GRM4: variants seen among roughly 807,000 people sequenced by gnomAD.
GRM4 encodes metabotropic glutamate receptor 4.
Under a neutral mutation model 81.7 loss-of-function variants are expected in GRM4, and 28 were observed. That is an observed-to-expected ratio of 0.34 (90% CI 0.25 to 0.47). The LOEUF is 0.47. Among genes scored for constraint, GRM4 ranks in the 20% least tolerant of loss-of-function variants. GRM4 has a pLI of 1.00. For missense variants in GRM4, 948 were observed against 1,290.0 expected, an observed-to-expected ratio of 0.73 and a Z score of 4.06; for synonymous variants, 488 against 528.8, an observed-to-expected ratio of 0.92 and a Z score of 1.06.
In GRM4 at chr6:34,138,028, G is replaced by A. The variant is rs566830186; in HGVS notation, c.-363-4169C>T. 9.2e-5 allele frequency among the ~76,000 whole-genome samples: 14 copies of A among 152,310 alleles called. No individual in the cohort carries two copies. The East Asian group carries it at 1.4e-3, about 15-fold the overall frequency. The stretch of plus-strand genomic sequence containing the variant: ...ACAACCGGATCCGAAGAGAACTGCT[G>A]TGATTTACCAAACCCCCAATTATTT... On this transcript the variant is annotated intron_variant, in intron 1 of 10. Transcript: ENST00000538487.
intron 3 of GRM4, among the ~76,000 whole-genome samples, chr6:34,087,774 C>A (rs1767983576): frequency 1.7e-5 from 2 of 115,450 alleles, no homozygotes; most frequent in African/African-American, 6.6e-5. Context: ...AGTCACATGA[C>A]CAGAACTTCC....
At chr6:34,060,885 T>G (rs1162279184) in intron 4 of GRM4, 1 of 152,372 alleles carries the variant, frequency 6.6e-6, no homozygotes, top group African/African-American at 2.4e-5. Context: ...CCATTGCAGT[T>G]TGTCCTTTTG....
At position 34,047,707 on chromosome 6, in the gene GRM4, T is replaced by C. The variant is rs952138062; in HGVS notation, c.1169-6959A>G. Among the ~76,000 whole-genome samples the C allele has an allele frequency of 1.3e-5, 2 of 152,266 alleles. No homozygotes were observed. The highest frequency in any genetic ancestry group is 4.8e-5 in the African/African-American group (2 of 41,548). ...AACTCCTTCCAGTCCCAGTGAATGA[T>C]GCATCCAGGTGTTTCGAGGGCTTAG... is the stretch of plus-strand genomic sequence containing the variant. On this transcript the variant is annotated intron_variant, in intron 6 of 10. Coordinates refer to ENST00000538487, the MANE Select transcript of GRM4 (RefSeq NM_000841.4). The surrounding 1 kb of genome is among the most constrained non-coding windows in gnomAD (Gnocchi z 4.5).
chr6:34,133,667 GC>G lies in GRM4; in HGVS notation c.-172del, dbSNP rs1770341351. 1 of 1,415,956 alleles carries G rather than the reference GC, an allele frequency of 7.1e-7. No homozygotes were observed. Among genetic ancestry groups the G allele is most frequent in the Non-Finnish European group, 9.2e-7 (1 of 1,090,990 alleles). 87.7% of individuals were successfully genotyped at this position (1,415,956 alleles called of 1,614,324 possible). A position where few individuals can be genotyped will look rare whatever the true frequency, so the allele number is the denominator to read the frequency against. On this transcript the variant is annotated 5_prime_UTR_variant, in exon 2 of 11. An upstream open reading frame in the 5' UTR loses its in-frame stop. Coordinates refer to ENST00000538487, the MANE Select transcript of GRM4 (RefSeq NM_000841.4). The surrounding 1 kb of genome is among the most constrained non-coding windows in gnomAD (Gnocchi z 6.5). Reference sequence around the variant, plus strand: ...CCTCTCCCACCTCCTTGTCACTCGGGCCAAGCACAGTTGCCCGCACAGTCCA... The same window carrying G: ...CCTCTCCCACCTCCTTGTCACTCGGGCAAGCACAGTTGCCCGCACAGTCCA...
intron 1 of GRM4, among the ~76,000 whole-genome samples, chr6:34,145,016 C>A (rs1207293088): frequency 6.6e-6 from 1 of 152,104 alleles, no homozygotes; most frequent in Non-Finnish European, 1.5e-5. Flanking sequence ...CCGATGTCCC[C>A]GCCGCAGCCC....
intron 3 of GRM4, among the ~76,000 whole-genome samples, chr6:34,066,954 G>A (rs9469701): frequency 0.055 from 8,294 of 152,124 alleles, 705 homozygotes; most frequent in African/African-American, 0.18. Flanking sequence ...AGCTAGCCCA[G>A]GGGCTTCCAT....
intron 6 of GRM4, among the ~76,000 whole-genome samples, chr6:34,044,881 TAC>T (rs1458551766): frequency 2.9e-5 from 4 of 139,884 alleles, no homozygotes; most frequent in Admixed American, 6.9e-5. Context: ...TACACATATA[TAC>T]AGACATACAC....
chr6:34,034,774 T>A lies in GRM4; in HGVS notation c.2442+894A>T, dbSNP rs796986424. Reference sequence around the variant, plus strand: ...AGGGAGGCCAACTGGCTTGCCCAGATCCCACACTTATACATGGCACTCAGA... The same window carrying A: ...AGGGAGGCCAACTGGCTTGCCCAGAACCCACACTTATACATGGCACTCAGA... On this transcript the variant is annotated intron_variant, in intron 9 of 10. Coordinates refer to ENST00000538487, the MANE Select transcript of GRM4 (RefSeq NM_000841.4). This position sits in a 1 kb window ranked among gnomAD's most constrained non-coding sequence, Gnocchi z 4.0. Among the ~76,000 whole-genome samples the A allele has an allele frequency of 4.9e-4, 75 of 152,330 alleles. 1 individual carries two copies. The highest frequency in any genetic ancestry group is 1.8e-3 in the African/African-American group (73 of 41,576).
Position 34,035,833 on chromosome 6 carries a change from G to A in GRM4, c.2277C>T (p.Tyr759=). The change falls in exon 9 of 11, where the codon TAC becomes TAT. Residue 759 remains tyrosine (Y), a synonymous_variant. Coordinates refer to ENST00000538487, the MANE Select transcript of GRM4 (RefSeq NM_000841.4). This position sits in a 1 kb window ranked among gnomAD's most constrained non-coding sequence, Gnocchi z 6.6. ...TGCACGTGACCATGAGCAGCATGCT[G>A]TAGCCCAGCAGGCAGATGAGCGACA... ...SDLSLICLLG[Y]SMLLMVTCTV... 2.5e-6 allele frequency: 4 copies of A among 1,613,328 alleles called. No individual in the cohort carries two copies. Among genetic ancestry groups the A allele is most frequent in the East Asian group, 2.2e-5 (1 of 44,834 alleles).
At chr6:34,097,425 A>G (rs997049035) in intron 2 of GRM4, among the ~76,000 whole-genome samples, 12 of 95,630 alleles carry the variant, frequency 1.3e-4, no homozygotes, top group Middle Eastern at 9.6e-3. Context: ...GCATGTGTGC[A>G]TGCCTGTGTG....
Position 34,059,420 on chromosome 6 carries a change from T to G in GRM4, c.873-292A>C. The G allele has an allele frequency of 1.8e-5, 7 of 386,218 alleles. No individual in the cohort carries two copies. The highest frequency in any genetic ancestry group is 3.8e-5 in the South Asian group (1 of 26,658). 23.9% of individuals were successfully genotyped at this position (386,218 alleles called of 1,614,324 possible). A position where few individuals can be genotyped will look rare whatever the true frequency, so the allele number is the denominator to read the frequency against. On this transcript the variant is annotated intron_variant, in intron 4 of 10. Transcript: ENST00000538487. The surrounding 1 kb of genome is among the most constrained non-coding windows in gnomAD (Gnocchi z 5.7). ...CATCTGTCCCTGCAAAGACCACACCTCTCCCCTCCAGATCCACACCCGCCC... is the reference window on the plus strand; with the variant it reads ...CATCTGTCCCTGCAAAGACCACACCGCTCCCCTCCAGATCCACACCCGCCC...
intron 2 of GRM4, among the ~76,000 whole-genome samples, chr6:34,093,021 G>C (rs1768323508): frequency 6.6e-6 from 1 of 152,176 alleles, no homozygotes. Flanking sequence ...GGCCCACAGG[G>C]ACACTCCTCT....
At chr6:34,125,463 C>CA (rs1769987558) in intron 2 of GRM4, among the ~76,000 whole-genome samples, 1 of 152,022 alleles carries the variant, frequency 6.6e-6, no homozygotes, top group Non-Finnish European at 1.5e-5. Flanking sequence ...ACTAGGTGTC[C>CA]AAAAAAAGAC....
upstream of GRM4, among the ~76,000 whole-genome samples, chr6:34,146,593 G>A (rs1053180213): frequency 1.3e-5 from 2 of 152,238 alleles, no homozygotes; most frequent in East Asian, 3.8e-4. Flanking sequence ...TGCAGAAGCG[G>A]CTTCAATTAG....
At chr6:34,094,049 A>G (rs1768383780) in intron 2 of GRM4, among the ~76,000 whole-genome samples, 1 of 152,234 alleles carries the variant, frequency 6.6e-6, no homozygotes, top group African/African-American at 2.4e-5. Flanking sequence ...CAGATGAGGA[A>G]TATTACACAG....
Position 34,074,597 on chromosome 6 carries a change from C to A in GRM4, c.737-12569G>T, listed in dbSNP as rs1034887759. On this transcript the variant is annotated intron_variant, in intron 3 of 10. Coordinates refer to ENST00000538487, the MANE Select transcript of GRM4 (RefSeq NM_000841.4). The surrounding 1 kb of genome is among the most constrained non-coding windows in gnomAD (Gnocchi z 4.9). ...GGCTCAGAGCTGAGCCCTGCCGTCC[C>A]CTGCCAGGAGAGGAGGCCGCTGGGC... is the stretch of plus-strand genomic sequence containing the variant. 7.1e-6 allele frequency among the ~76,000 whole-genome samples: 1 copy of A among 141,642 alleles called. No individual in the cohort carries two copies. Among genetic ancestry groups the A allele is most frequent in the Non-Finnish European group, 1.5e-5 (1 of 66,112 alleles). 92.9% of individuals were successfully genotyped at this position (141,642 alleles called of 152,430 possible). A position where few individuals can be genotyped will look rare whatever the true frequency, so the allele number is the denominator to read the frequency against.
chr6:34,036,347 G>A lies in GRM4; in HGVS notation c.1763C>T (p.Ala588Val), dbSNP rs779059684. The A allele has an allele frequency of 3.7e-6, 6 of 1,613,640 alleles. No homozygotes were observed. Among genetic ancestry groups the A allele is most frequent in the Non-Finnish European group, 2.5e-6 (3 of 1,179,908 alleles). Reference sequence around the variant, plus strand: ...CACGGCCAGGAAGAGGGGCAGCACGGCCCAGGGCGAGCCCCACTCAAGCTT... The same window carrying A: ...CACGGCCAGGAAGAGGGGCAGCACGACCCAGGGCGAGCCCCACTCAAGCTT... The part of the protein sequence containing the change: ...IIKLEWGSPW[A>V]VLPLFLAVVG... The change falls in exon 9 of 11, where the codon GCC becomes GTC. Residue 588 changes from alanine to valine, a missense_variant. By Grantham distance (64) the Ala-to-Val change is moderately conservative. Transcript: ENST00000538487. The surrounding 1 kb of genome is among the most constrained non-coding windows in gnomAD (Gnocchi z 9.0).
intron 5 of GRM4, among the ~76,000 whole-genome samples, chr6:34,058,558 A>C (rs1433537036): frequency 1.3e-5 from 2 of 152,182 alleles, no homozygotes; most frequent in Non-Finnish European, 2.9e-5. Context: ...GTTCCTGCCC[A>C]GGTGACTGTG....
At chr6:34,142,067 C>T (rs1299797542) in intron 1 of GRM4, among the ~76,000 whole-genome samples, 1 of 152,214 alleles carries the variant, frequency 6.6e-6, no homozygotes, top group African/African-American at 2.4e-5. Flanking sequence ...AGAGGTGACA[C>T]TTAAGAAAAT....
Sources: gnomAD v4.1 joint callset for allele counts (sites outside exome capture counted in the v4.1 genomes callset) on GRCh38, gnomAD v4.1.1 for gene constraint, Gnocchi (gnomAD v3.1) non-coding constraint, MANE v1.5 for transcripts, NCBI Gene and HGNC (gene_info 2026-07-23, HGNC 2026-07-21) for gene names.